TAF8: variants seen among roughly 807,000 people sequenced by gnomAD.
TAF8 encodes the protein transcription initiation factor TFIID subunit 8.
TAF8 carries 47 observed loss-of-function variants against 36.5 expected under a neutral mutation model. That is an observed-to-expected ratio of 1.29 (90% CI 1.02 to 1.64). The LOEUF is 1.64. Ranked by LOEUF, TAF8 falls within the 40% of genes most tolerant of loss-of-function variation. TAF8 has a pLI of 0.00. For missense variants in TAF8, 420 were observed against 407.6 expected, an observed-to-expected ratio of 1.03 and a Z score of -0.26; for synonymous variants, 175 against 159.5, an observed-to-expected ratio of 1.10 and a Z score of -0.73.
chr6:42,068,359 A>G, intron 6 of TAF8, 106 bp from the exon 7 acceptor site: 2 of 1,276,190 alleles, frequency 1.6e-6, no homozygotes, highest in Middle Eastern at 2.3e-4. Flanking sequence ...GTTAGCTAGT[A>G]TTATCTTCTG....
chr6:42,073,972 A>T (rs1765670757), intron 7 of TAF8, among the ~76,000 whole-genome samples: 2 of 152,152 alleles, frequency 1.3e-5, no homozygotes, highest in African/African-American at 4.8e-5. Flanking sequence ...CTGTGCTAAC[A>T]GATTGGGTAT....
chr6:42,051,669 C>A, intron 2 of TAF8, 156 bp downstream of exon 2: 1 of 774,042 alleles, frequency 1.3e-6, no homozygotes, highest in Non-Finnish European at 2.0e-6. Context: ...GAAAAGAAAA[C>A]AGCACAATGG....
intron 7 of TAF8, among the ~76,000 whole-genome samples, chr6:42,069,888 A>G (rs1765505784): frequency 6.6e-6 from 1 of 152,040 alleles, no homozygotes; most frequent in Admixed American, 6.6e-5. Context: ...GAGGTGGGAG[A>G]ACTGGAAGAG....
downstream of TAF8, chr6:42,086,713 C>G (rs1485725501): frequency 1.3e-6 from 2 of 1,551,096 alleles, no homozygotes; most frequent in African/African-American, 2.7e-5. Flanking sequence ...ACCCTACGTT[C>G]CTCAGGCCAG....
chr6:42,055,586 C>A lies in TAF8; in HGVS notation c.258C>A (p.Thr86=). 1 of 1,614,180 alleles carries A rather than the reference C, an allele frequency of 6.2e-7. No individual in the cohort carries two copies. Among genetic ancestry groups the A allele is most frequent in the Non-Finnish European group, 8.5e-7 (1 of 1,180,032 alleles). The change falls in exon 3 of 9, where the codon ACC becomes ACA. Residue 86 remains threonine (T), a synonymous_variant. Coordinates refer to ENST00000372977, the MANE Select transcript of TAF8 (RefSeq NM_138572.3). ...AKSYCEHTAR[T]QPTLSDIVVT... is the part of the protein sequence containing the mutation. ...CTTACTGTGAGCACACAGCCAGGAC[C>A]CAGCCCACACTGTCCGATATCGTGG...
chr6:42,062,208 A>G (rs1021757316), intron 5 of TAF8, among the ~76,000 whole-genome samples: 1 of 152,188 alleles, frequency 6.6e-6, no homozygotes, highest in Admixed American at 6.5e-5. Flanking sequence ...ATAAAATTTT[A>G]TATCTCTACC....
rs79951071 is a variant in TAF8 at position 42,066,934 on chromosome 6, C to T, written c.637+475C>T. 3.8e-3 allele frequency among the ~76,000 whole-genome samples: 578 copies of T among 152,298 alleles called. 22 individuals carry two copies. The East Asian group carries it at 0.1, about 27-fold the overall frequency. ...GGGTGATTCATTCATTCAGCAAGCT[C>T]CTGTGGAACGCCCGCTGTGTGCCTG... On this transcript the variant is annotated intron_variant, in intron 6 of 8. Transcript: ENST00000372977.
At chr6:42,073,934 C>T (rs1302128567) in intron 7 of TAF8, among the ~76,000 whole-genome samples, 1 of 152,000 alleles carries the variant, frequency 6.6e-6, no homozygotes, top group African/African-American at 2.4e-5. Flanking sequence ...TCAGTGCCTG[C>T]CTGAATTTTG....
chr6:42,064,997 A>C (rs929489753), intron 5 of TAF8, among the ~76,000 whole-genome samples: 1 of 149,310 alleles, frequency 6.7e-6, no homozygotes, highest in African/African-American at 2.5e-5. Context: ...CAGTATCATG[A>C]AGAGTAGTTA....
intron 4 of TAF8, chr6:42,056,239 T>A (rs75961790): frequency 0.012 from 5,622 of 467,690 alleles, 206 homozygotes; most frequent in African/African-American, 0.088. Flanking sequence ...CTGTGTTTCT[T>A]GTGTTCTAGC....
chr6:42,066,884 A>C (rs573519898), intron 6 of TAF8, among the ~76,000 whole-genome samples: 2 of 152,290 alleles, frequency 1.3e-5, no homozygotes, highest in East Asian at 3.9e-4. Flanking sequence ...CAGTTTTTAC[A>C]AATGTGAGTG....
intron 7 of TAF8, among the ~76,000 whole-genome samples, chr6:42,073,726 T>C (rs1334638064): frequency 6.6e-6 from 1 of 152,136 alleles, no homozygotes; most frequent in Non-Finnish European, 1.5e-5. Flanking sequence ...TTTTAAGAGC[T>C]GGCTTTTAAC....
At chr6:42,051,046 G>A (rs1764759499) in intron 1 of TAF8, 4 of 1,096,890 alleles carry the variant, frequency 3.6e-6, no homozygotes, top group East Asian at 6.1e-5. Flanking sequence ...TGCGGGACAC[G>A]TCTTAATCCC....
chr6:42,083,783 G>A (rs1351656501), downstream of TAF8, among the ~76,000 whole-genome samples: 1 of 152,064 alleles, frequency 6.6e-6, no homozygotes, highest in Non-Finnish European at 1.5e-5. Context: ...CATTTAAGCT[G>A]GACTTTTACC....
chr6:42,081,190 T>TGTGCGCGTGTGTGTGTGTGTGTGC lies in TAF8; in HGVS notation c.*3646_*3647insTGCGCGTGTGTGTGTGTGTGTGCG, dbSNP rs60628172. 6.5e-6 allele frequency: 1 copy of TGTGCGCGTGTGTGTGTGTGTGTGC among 154,514 alleles called. No individual in the cohort carries two copies. The highest frequency in any genetic ancestry group is 2.1e-4 in the South Asian group (1 of 4,820). The allele number at this position is 154,514 out of a possible 1,614,324, so 9.6% of individuals were successfully genotyped here. ...CCTGGAGTGTGTGTGTGTGTGTGTG[T>TGTGCGCGTGTGTGTGTGTGTGTGC]GCGTGTGTGTGCGTGTGAGACAGAG... On this transcript the variant is annotated 3_prime_UTR_variant, in exon 9 of 9. Coordinates refer to ENST00000372977, the MANE Select transcript of TAF8 (RefSeq NM_138572.3).
At chr6:42,060,729 TTCC>T (rs1360158955) in intron 5 of TAF8, among the ~76,000 whole-genome samples, 1 of 152,202 alleles carries the variant, frequency 6.6e-6, no homozygotes, top group Non-Finnish European at 1.5e-5. Flanking sequence ...AAGCATGCCA[TTCC>T]AGTCAAAGCC....
rs1384214451 is a variant in TAF8 at position 42,066,407 on chromosome 6, C to A, written c.585C>A (p.Ala195=). ...AGCGGGCACTTACCCGTTTCATGGC[C>A]AAGACAGGCGAGACTCAGAGTCTTT... ...DVERALTRFM[A]KTGETQSLFK... is the part of the protein sequence containing the mutation. The change falls in exon 6 of 9, where the codon GCC becomes GCA. Residue 195 remains alanine (A), a synonymous_variant. Transcript: ENST00000372977. 2.5e-6 allele frequency: 4 copies of A among 1,614,120 alleles called. No homozygotes were observed. In the East Asian group the frequency reaches 8.9e-5, roughly 36 times the overall value.
At chr6:42,086,315 T>C (rs1299620769), downstream of TAF8, among the ~76,000 whole-genome samples, 3 of 152,214 alleles carry the variant, frequency 2.0e-5, no homozygotes, top group Non-Finnish European at 4.4e-5. Context: ...AAAAGTGCTT[T>C]TTTGGAATAG....
In TAF8 at chr6:42,066,380, G is replaced by C. The variant is rs1260346532; in HGVS notation, c.558G>C (p.Val186=). ...AGGCTGCATCCCAGAGGCGCGATGT[G>C]GAGCGGGCACTTACCCGTTTCATGG... is the stretch of plus-strand genomic sequence containing the variant. ...REKAASQRRD[V]ERALTRFMAK... Residue 186 remains valine, a synonymous_variant, in exon 6 of 9, where the codon GTG becomes GTC. Coordinates refer to ENST00000372977, the MANE Select transcript of TAF8 (RefSeq NM_138572.3). The C allele has an allele frequency of 6.2e-7, 1 of 1,614,224 alleles. No individual in the cohort carries two copies. The highest frequency in any genetic ancestry group is 2.2e-5 in the East Asian group (1 of 44,880).
Sources: allele counts gnomAD v4.1 joint callset (sites outside exome capture counted in the v4.1 genomes callset), GRCh38; gene constraint gnomAD v4.1.1; transcripts MANE v1.5; gene names NCBI Gene and HGNC (gene_info 2026-07-23, HGNC 2026-07-21).